Variants in BACH2 observed in about 807,000 individuals in gnomAD.
The protein encoded by BACH2 is transcription regulator protein BACH2.
A neutral mutation model predicts 61.8 loss-of-function variants in BACH2; 5 were observed. The ratio of observed to expected loss-of-function variants is 0.08; its 90% CI spans 0.04 to 0.17. The LOEUF (loss-of-function observed/expected upper bound fraction) is 0.17, where lower values mean the gene tolerates loss of function less well. Ranked by LOEUF, BACH2 falls within the 10% of genes least tolerant of loss-of-function variation. BACH2 has a pLI of 1.00. For synonymous variants in BACH2, 446 were observed against 440.1 expected, an observed-to-expected ratio of 1.01 and a Z score of -0.17; for missense variants, 824 against 1,091.1, an observed-to-expected ratio of 0.76 and a Z score of 3.45.
chr6:90,262,878 T>C (rs1038812176), intron 2 of BACH2, among the ~76,000 whole-genome samples: 6 of 152,256 alleles, frequency 3.9e-5, no homozygotes, highest in African/African-American at 1.2e-4. Flanking sequence ...CTAACACAAA[T>C]TGGAAACAGG....
chr6:90,277,547 T>A (rs1771732446), intron 1 of BACH2, among the ~76,000 whole-genome samples: 1 of 152,220 alleles, frequency 6.6e-6, no homozygotes, highest in Admixed American at 6.5e-5. Flanking sequence ...TGTCTTAATC[T>A]GGGAACTGGT....
chr6:90,222,584 TC>T (rs1326903058), intron 3 of BACH2, among the ~76,000 whole-genome samples: 1 of 152,220 alleles, frequency 6.6e-6, no homozygotes, highest in Non-Finnish European at 1.5e-5. Context: ...GTTTCATTGT[TC>T]CTTTTGAGCT....
chr6:90,243,004 C>T (rs1283141443), intron 3 of BACH2, among the ~76,000 whole-genome samples: 5 of 151,154 alleles, frequency 3.3e-5, no homozygotes, highest in African/African-American at 4.9e-5. Context: ...CTCAGCCTCC[C>T]GAGTCGCTTG....
At chr6:90,126,854 A>T (rs1426384457) in intron 4 of BACH2, among the ~76,000 whole-genome samples, 1 of 152,224 alleles carries the variant, frequency 6.6e-6, no homozygotes, top group African/African-American at 2.4e-5. Flanking sequence ...GTCTCACTGA[A>T]AATCTAACAG....
intron 4 of BACH2, among the ~76,000 whole-genome samples, chr6:90,095,204 AT>A (rs1489182468): frequency 6.7e-6 from 1 of 150,298 alleles, no homozygotes; most frequent in African/African-American, 2.5e-5. Flanking sequence ...TTAATTGTTA[AT>A]TTTTTGGAAA....
intron 7 of BACH2, among the ~76,000 whole-genome samples, chr6:89,945,966 C>T (rs1310205279): frequency 1.3e-5 from 2 of 152,068 alleles, no homozygotes; most frequent in African/African-American, 4.8e-5. Flanking sequence ...AATTCCCAAC[C>T]TGACTTCTTA....
intron 3 of BACH2, among the ~76,000 whole-genome samples, chr6:90,218,694 C>T (rs1002537064): frequency 2.6e-5 from 4 of 151,962 alleles, no homozygotes; most frequent in African/African-American, 9.7e-5. Context: ...GCCTGTCAGG[C>T]CTGACGGATT....
At chr6:90,141,212 G>A (rs1298523769) in intron 4 of BACH2, among the ~76,000 whole-genome samples, 4 of 152,060 alleles carry the variant, frequency 2.6e-5, no homozygotes, top group Non-Finnish European at 4.4e-5. Flanking sequence ...ATGGAGTCTT[G>A]CTCTGTCCTC....
chr6:90,055,060 G>A (rs574626429), intron 5 of BACH2, among the ~76,000 whole-genome samples: 80 of 152,322 alleles, frequency 5.3e-4, no homozygotes, highest in African/African-American at 1.8e-3. Flanking sequence ...CTAAAAATCA[G>A]AGTGCCTCTC....
At chr6:90,215,179 G>A (rs1031221665) in intron 3 of BACH2, among the ~76,000 whole-genome samples, 9 of 152,058 alleles carry the variant, frequency 5.9e-5, no homozygotes, top group Non-Finnish European at 1.3e-4. Context: ...GCCTGAGGGC[G>A]TTCAATGCTC....
At chr6:89,937,596 C>A (rs143770854) in intron 8 of BACH2, among the ~76,000 whole-genome samples, 74 of 152,258 alleles carry the variant, frequency 4.9e-4, no homozygotes, top group African/African-American at 1.7e-3. Flanking sequence ...GTGGCGTGAT[C>A]TCCACTCACT....
intron 4 of BACH2, among the ~76,000 whole-genome samples, chr6:90,101,451 G>C (rs914416963): frequency 2.6e-5 from 4 of 152,146 alleles, no homozygotes; most frequent in Non-Finnish European, 5.9e-5. Flanking sequence ...ATTCTTCTGT[G>C]TGTGAATATC....
intron 6 of BACH2, among the ~76,000 whole-genome samples, chr6:89,976,159 A>C (rs1400014869): frequency 6.6e-6 from 1 of 152,258 alleles, no homozygotes; most frequent in Non-Finnish European, 1.5e-5. Flanking sequence ...CAGAGAATAA[A>C]ATCAGCTATA....
At chr6:90,164,352 G>C (rs1767529508) in intron 4 of BACH2, among the ~76,000 whole-genome samples, 1 of 152,094 alleles carries the variant, frequency 6.6e-6, no homozygotes, top group South Asian at 2.1e-4. Flanking sequence ...ACCCTCCCAA[G>C]ACTAAACCAG....
At chr6:90,228,215 A>T (rs1052805376) in intron 3 of BACH2, among the ~76,000 whole-genome samples, 5 of 152,256 alleles carry the variant, frequency 3.3e-5, no homozygotes, top group African/African-American at 1.2e-4. Flanking sequence ...ATAAAGTCTG[A>T]GTCAATTCTT....
At chr6:90,255,960 C>T (rs1770964396) in intron 2 of BACH2, among the ~76,000 whole-genome samples, 2 of 152,128 alleles carry the variant, frequency 1.3e-5, no homozygotes, top group Non-Finnish European at 2.9e-5. Context: ...CAAAATGTAC[C>T]GAAACACTGA....
intron 1 of BACH2, among the ~76,000 whole-genome samples, chr6:90,281,568 T>C (rs1417988919): frequency 6.6e-6 from 1 of 152,158 alleles, no homozygotes; most frequent in Non-Finnish European, 1.5e-5. Context: ...TATTAAATCA[T>C]ATTAATTTTC....
intron 3 of BACH2, among the ~76,000 whole-genome samples, chr6:90,209,677 G>C (rs1769275325): frequency 6.6e-6 from 1 of 152,104 alleles, no homozygotes; most frequent in Non-Finnish European, 1.5e-5. Context: ...TCATTTCCCT[G>C]AGGAACCCCA....
chr6:89,991,588 G>A (rs190232560), intron 6 of BACH2, among the ~76,000 whole-genome samples: 426 of 152,180 alleles, frequency 2.8e-3, no homozygotes, highest in African/African-American at 9.8e-3. Flanking sequence ...TCCTGAGAAC[G>A]AGAACATTCT....
Sources: allele counts gnomAD v4.1 joint callset (sites outside exome capture counted in the v4.1 genomes callset), GRCh38; gene constraint gnomAD v4.1.1; transcripts MANE v1.5; gene names NCBI Gene and HGNC (gene_info 2026-07-23, HGNC 2026-07-21).